The following ARHGAP26 variants were observed in gnomAD, a reference collection of about 807,000 sequenced individuals.
The protein encoded by ARHGAP26 is Rho GTPase activating protein 26.
In ARHGAP26, 38 loss-of-function variants were observed where a neutral mutation model predicts 104.8. The ratio of observed to expected loss-of-function variants is 0.36; its 90% confidence interval spans 0.28 to 0.48. ARHGAP26 has a LOEUF of 0.48. Among genes scored for constraint, ARHGAP26 ranks in the 20% least tolerant of loss-of-function variants. ARHGAP26 has a pLI of 0.99. For synonymous variants in ARHGAP26, 341 were observed against 340.0 expected (o/e 1.00, Z -0.03); for missense variants, 704 against 947.9 (o/e 0.74, Z 3.38).
intron 1 of ARHGAP26, among the ~76,000 whole-genome samples, chr5:142,792,412 G>C (rs1205810645): frequency 3.3e-5 from 5 of 152,170 alleles, no homozygotes; most frequent in African/African-American, 7.2e-5. Flanking sequence ...GTTTTTTGTG[G>C]AACACTACCA....
chr5:143,050,076 C>A (rs1784785496), intron 14 of ARHGAP26, among the ~76,000 whole-genome samples: 1 of 152,156 alleles, frequency 6.6e-6, no homozygotes, highest in Admixed American at 6.5e-5. Flanking sequence ...ATGGCCTTTC[C>A]CCCACACCCC....
chr5:143,116,271 A>G (rs1010806347), intron 17 of ARHGAP26, among the ~76,000 whole-genome samples: 2 of 152,196 alleles, frequency 1.3e-5, no homozygotes, highest in African/African-American at 4.8e-5. Flanking sequence ...TTCCTGTTTA[A>G]TATTGGAAGG....
chr5:143,119,341 G>A (rs1173118503), intron 17 of ARHGAP26, among the ~76,000 whole-genome samples: 2 of 152,190 alleles, frequency 1.3e-5, no homozygotes, highest in African/African-American at 4.8e-5. Flanking sequence ...TAAGTTTAAT[G>A]ACTTAGCTCT....
chr5:142,804,095 C>G (rs1762541475), intron 1 of ARHGAP26, among the ~76,000 whole-genome samples: 1 of 152,154 alleles, frequency 6.6e-6, no homozygotes, highest in African/African-American at 2.4e-5. Context: ...TAAAGTCAGC[C>G]TGACCTAAAA....
chr5:142,899,022 G>C (rs1345294635), intron 6 of ARHGAP26, among the ~76,000 whole-genome samples: 1 of 152,156 alleles, frequency 6.6e-6, no homozygotes, highest in African/African-American at 2.4e-5. Flanking sequence ...CTAGCTTCCC[G>C]TGGCTTGTGA....
At chr5:143,105,165 C>G (rs533114228) in intron 17 of ARHGAP26, among the ~76,000 whole-genome samples, 1 of 152,138 alleles carries the variant, frequency 6.6e-6, no homozygotes, top group East Asian at 1.9e-4. Flanking sequence ...CACCTGAGGT[C>G]GGGAGTTTGA....
chr5:142,819,462 A>C (rs915177200), intron 1 of ARHGAP26, among the ~76,000 whole-genome samples: 1 of 152,200 alleles, frequency 6.6e-6, no homozygotes, highest in Non-Finnish European at 1.5e-5. Flanking sequence ...CTCTCCTCCC[A>C]TAGCCTGCTC....
chr5:143,118,124 C>G (rs1359035086), intron 17 of ARHGAP26, among the ~76,000 whole-genome samples: 1 of 152,100 alleles, frequency 6.6e-6, no homozygotes, highest in Non-Finnish European at 1.5e-5. Context: ...TTGAGCTGAG[C>G]CTTGCATATT....
chr5:143,085,991 T>G (rs1790539007), intron 17 of ARHGAP26, among the ~76,000 whole-genome samples: 1 of 152,232 alleles, frequency 6.6e-6, no homozygotes, highest in Admixed American at 6.5e-5. Context: ...AATAATTTTT[T>G]TCACAAAGAA....
intron 20 of ARHGAP26, among the ~76,000 whole-genome samples, chr5:143,163,667 T>G (rs902237146): frequency 6.0e-4 from 92 of 152,204 alleles, no homozygotes; most frequent in Admixed American, 2.0e-3. Context: ...GCCAGGCTGG[T>G]CTCGAACTCC....
At chr5:143,016,857 A>G (rs1779658905) in intron 12 of ARHGAP26, among the ~76,000 whole-genome samples, 1 of 152,046 alleles carries the variant, frequency 6.6e-6, no homozygotes. Flanking sequence ...CCTTTCCCAC[A>G]TGGTACAGGT....
At chr5:143,138,200 A>T (rs571758234) in intron 19 of ARHGAP26, among the ~76,000 whole-genome samples, 1 of 152,158 alleles carries the variant, frequency 6.6e-6, no homozygotes, top group African/African-American at 2.4e-5. Context: ...GCTGTGGTCT[A>T]TTCTCAGAAT....
At chr5:143,071,421 C>T (rs1788232904) in intron 17 of ARHGAP26, among the ~76,000 whole-genome samples, 1 of 152,156 alleles carries the variant, frequency 6.6e-6, no homozygotes, top group South Asian at 2.1e-4. Context: ...CTGGATAATC[C>T]ACATGCAGAA....
chr5:143,193,650 T>C (rs1289161311), intron 20 of ARHGAP26, among the ~76,000 whole-genome samples: 1 of 152,098 alleles, frequency 6.6e-6, no homozygotes, highest in South Asian at 2.1e-4. Context: ...AGAGAAGCCG[T>C]AAAGTGCTTC....
At chr5:143,118,390 C>G (rs560743449) in intron 17 of ARHGAP26, among the ~76,000 whole-genome samples, 12 of 152,128 alleles carry the variant, frequency 7.9e-5, no homozygotes, top group Non-Finnish European at 1.8e-4. Flanking sequence ...TGCCCAGACA[C>G]CCAGAGCTGG....
chr5:142,908,178 A>G (rs1269310778), intron 9 of ARHGAP26, among the ~76,000 whole-genome samples: 1 of 152,218 alleles, frequency 6.6e-6, no homozygotes, highest in Non-Finnish European at 1.5e-5. Flanking sequence ...GGCAACATAG[A>G]TGTCCTGGTT....
At chr5:143,047,675 T>C (rs1374367320) in intron 14 of ARHGAP26, among the ~76,000 whole-genome samples, 1 of 152,222 alleles carries the variant, frequency 6.6e-6, no homozygotes, top group Non-Finnish European at 1.5e-5. Context: ...TTTTTAAATT[T>C]AATTTTGCAT....
chr5:142,914,933 C>T (rs531139191), intron 10 of ARHGAP26, among the ~76,000 whole-genome samples: 1 of 152,314 alleles, frequency 6.6e-6, no homozygotes, highest in Non-Finnish European at 1.5e-5. Context: ...TCATCAAATG[C>T]ACAGTTCCTA....
At chr5:142,853,192 TA>T (rs1751827170) in intron 1 of ARHGAP26, among the ~76,000 whole-genome samples, 1 of 152,100 alleles carries the variant, frequency 6.6e-6, no homozygotes, top group African/African-American at 2.4e-5. Context: ...TTAATTTTAT[TA>T]TTATTTTTTG....
Sources: allele counts gnomAD v4.1 joint callset (sites outside exome capture counted in the v4.1 genomes callset), GRCh38; gene constraint gnomAD v4.1.1; transcripts MANE v1.5; gene names NCBI Gene and HGNC (gene_info 2026-07-23, HGNC 2026-07-21).